The following ZNF532 variants were observed in gnomAD, a reference collection of about 807,000 sequenced individuals.
The protein encoded by ZNF532 is zinc finger protein 532.
A neutral mutation model predicts 89.3 loss-of-function variants in ZNF532; 22 were observed. The observed-to-expected ratio is 0.25, with a 90% CI of 0.18 to 0.35. ZNF532 has a LOEUF of 0.35. ZNF532 is among the 10% of genes least tolerant of loss of function. The pLI is 1.00. For missense variants in ZNF532, 1,132 were observed against 1,643.4 expected (o/e 0.69, Z 5.38); for synonymous variants, 606 against 649.6 (o/e 0.93, Z 1.02).
At chr18:58,959,252 TG>T (rs1603296046) in intron 7 of ZNF532, among the ~76,000 whole-genome samples, 2 of 145,062 alleles carry the variant, frequency 1.4e-5, no homozygotes, top group African/African-American at 2.6e-5. Flanking sequence ...TTCAGTTTTT[TG>T]TTTTTTGTTT....
At chr18:58,912,030 T>TG (rs1239562758) in intron 2 of ZNF532, among the ~76,000 whole-genome samples, 1 of 151,982 alleles carries the variant, frequency 6.6e-6, no homozygotes, top group Non-Finnish European at 1.5e-5. Flanking sequence ...GGGGAATGGA[T>TG]GGGGGCGGGG....
At chr18:58,920,768 G>A in intron 3 of ZNF532, 135 bp downstream of exon 3, 1 of 658,966 alleles carries the variant, frequency 1.5e-6, no homozygotes, top group Non-Finnish European at 2.5e-6. Context: ...GTGTGTGTGT[G>A]TGTGTGTGTG....
At chr18:58,906,121 C>T (rs914496860) in intron 2 of ZNF532, among the ~76,000 whole-genome samples, 1 of 152,160 alleles carries the variant, frequency 6.6e-6, no homozygotes, top group African/African-American at 2.4e-5. Context: ...AGGTTTCTTT[C>T]TCCGTGGTAA....
Position 58,918,785 on chromosome 18 carries a change from G to T in ZNF532, c.498G>T (p.Gly166=), listed in dbSNP as rs753341080. The stretch of plus-strand genomic sequence containing the variant: ...GCTTCAGGTCGAATGTGTTGACGGG[G>T]TCGGCTCCCCAGCAGGACTACGATA... The part of the protein sequence containing the change: ...RSSFRSNVLT[G]SAPQQDYDKL... The change falls in exon 3 of 10, where the codon GGG becomes GGT. Residue 166 remains glycine, a synonymous_variant. Coordinates refer to ENST00000591808, the MANE Select transcript of ZNF532 (RefSeq NM_001375912.1). The T allele has an allele frequency of 6.2e-7, 1 of 1,614,186 alleles. No homozygotes were observed. The highest frequency in any genetic ancestry group is 8.5e-7 in the Non-Finnish European group (1 of 1,180,032).
intron 2 of ZNF532, among the ~76,000 whole-genome samples, chr18:58,908,480 CCATTCATTCAT>C (rs1288779633): frequency 6.6e-6 from 1 of 152,026 alleles, no homozygotes; most frequent in African/African-American, 2.4e-5. Flanking sequence ...CTCCCTGCAT[CCATTCATTCAT>C]CATTCATTGA....
chr18:58,910,409 C>A (rs2060207265), intron 2 of ZNF532, among the ~76,000 whole-genome samples: 1 of 152,040 alleles, frequency 6.6e-6, no homozygotes, highest in Non-Finnish European at 1.5e-5. Context: ...ATTTTGGACG[C>A]CCCCTCCCAT....
chr18:58,872,481 C>CTT (rs1260886200), intron 2 of ZNF532, among the ~76,000 whole-genome samples: 1 of 152,086 alleles, frequency 6.6e-6, no homozygotes. Context: ...GTTGAAAAAC[C>CTT]TAAAAAGGTT....
intron 2 of ZNF532, among the ~76,000 whole-genome samples, chr18:58,875,912 A>T (rs1315376305): frequency 1.3e-5 from 2 of 148,964 alleles, no homozygotes; most frequent in Non-Finnish European, 3.0e-5. Flanking sequence ...TTTAGTTTGC[A>T]TACAAATCAC....
intron 2 of ZNF532, among the ~76,000 whole-genome samples, chr18:58,888,761 A>T (rs1306550484): frequency 4.3e-3 from 41 of 9,430 alleles, no homozygotes; most frequent in South Asian, 0.022. Context: ...ATATAAAATT[A>T]ATATATATAA....
chr18:58,888,016 T>C (rs2058426846), intron 2 of ZNF532, among the ~76,000 whole-genome samples: 1 of 152,256 alleles, frequency 6.6e-6, no homozygotes, highest in South Asian at 2.1e-4. Context: ...TCTCCTATTC[T>C]AGTTCTCAGA....
At chr18:58,885,922 TG>T (rs1191410917) in intron 2 of ZNF532, among the ~76,000 whole-genome samples, 3 of 152,072 alleles carry the variant, frequency 2.0e-5, no homozygotes, top group Non-Finnish European at 4.4e-5. Flanking sequence ...CTTTTAAAGC[TG>T]GGGGTCAGGA....
intron 7 of ZNF532, among the ~76,000 whole-genome samples, chr18:58,976,547 ATTTT>A (rs5825310): frequency 6.6e-6 from 1 of 150,474 alleles, no homozygotes; most frequent in Non-Finnish European, 1.5e-5. Context: ...CTTTCAGTTG[ATTTT>A]TTTTTTCTTT....
intron 5 of ZNF532, among the ~76,000 whole-genome samples, chr18:58,941,465 TC>T (rs2063014111): frequency 1.7e-5 from 2 of 120,228 alleles, no homozygotes; most frequent in Admixed American, 9.0e-5. Flanking sequence ...TTTCTCTCTC[TC>T]TCTTTTTTTT....
At chr18:58,940,971 C>T (rs1171955861) in intron 5 of ZNF532, among the ~76,000 whole-genome samples, 12 of 145,658 alleles carry the variant, frequency 8.2e-5, no homozygotes, top group South Asian at 2.2e-4. Flanking sequence ...CTTTCTCTCT[C>T]TCTCTCTCTC....
chr18:58,978,928 T>C, intron 7 of ZNF532, 127 bp from the exon 8 acceptor site: 1 of 712,636 alleles, frequency 1.4e-6, no homozygotes, highest in Non-Finnish European at 2.5e-6. Flanking sequence ...TAGTGTCATG[T>C]CAACCCTCAG....
intron 2 of ZNF532, among the ~76,000 whole-genome samples, chr18:58,875,982 G>A (rs1018174564): frequency 2.8e-5 from 4 of 142,192 alleles, no homozygotes; most frequent in East Asian, 2.1e-4. Flanking sequence ...GCCCAGGCTG[G>A]AGTGCAGTGG....
intron 6 of ZNF532, among the ~76,000 whole-genome samples, chr18:58,952,246 A>G (rs1331602536): frequency 6.6e-6 from 1 of 152,172 alleles, no homozygotes; most frequent in Admixed American, 6.5e-5. Context: ...GCCTCTTAGG[A>G]AAGATTTTTA....
Position 58,934,601 on chromosome 18 carries a change from A to T in ZNF532, c.2515A>T (p.Arg839Ter). ...CAAGAACTGTCTGCACTACACGAGGAGAGTTGGTTTTCGGTCAGTATATCA... is the reference window on the plus strand; with the variant it reads ...CAAGAACTGTCTGCACTACACGAGGTGAGTTGGTTTTCGGTCAGTATATCA... ...VTKNCLHYTR[R>*]VGFRCVHCNV... Residue 839 changes from arginine to a stop codon, truncating the protein, a stop_gained, in exon 4 of 10, where the codon AGA becomes TGA. Coordinates refer to ENST00000591808, the MANE Select transcript of ZNF532 (RefSeq NM_001375912.1). LOFTEE classifies it high-confidence loss of function. The T allele has an allele frequency of 6.2e-7, 1 of 1,613,642 alleles. No homozygotes were observed. Among genetic ancestry groups the T allele is most frequent in the Non-Finnish European group, 8.5e-7 (1 of 1,179,816 alleles).
chr18:58,880,759 C>CGT (rs1450935105), intron 2 of ZNF532, among the ~76,000 whole-genome samples: 1 of 120,948 alleles, frequency 8.3e-6, no homozygotes, highest in East Asian at 4.3e-4. Context: ...TAGGCGCGCG[C>CGT]GCACGCGCGC....
Sources: allele counts gnomAD v4.1 joint callset (sites outside exome capture counted in the v4.1 genomes callset), GRCh38; gene constraint gnomAD v4.1.1; transcripts MANE v1.5; gene names NCBI Gene and HGNC (gene_info 2026-07-23, HGNC 2026-07-21).